Variants in RC3H2 observed in about 807,000 individuals in gnomAD.
RC3H2 encodes ring finger and CCCH-type domains 2.
RC3H2 carries 31 observed loss-of-function variants against 133.3 expected under a neutral mutation model. The ratio of observed to expected loss-of-function variants is 0.23; its 90% CI spans 0.17 to 0.31. RC3H2 has a LOEUF of 0.31. Among genes scored for constraint, RC3H2 ranks in the 10% least tolerant of loss-of-function variants. The probability of loss-of-function intolerance (pLI) is 1.00; values close to 1 mark genes in which losing one functional copy is unlikely to be tolerated. For synonymous variants in RC3H2, 517 were observed against 502.2 expected (o/e 1.03, Z -0.40); for missense variants, 1,175 against 1,437.2 (o/e 0.82, Z 2.95).
intron 13 of RC3H2, among the ~76,000 whole-genome samples, chr9:122,856,678 A>C (rs1203136701): frequency 6.6e-6 from 1 of 152,224 alleles, no homozygotes; most frequent in Non-Finnish European, 1.5e-5. Flanking sequence ...GAAATGAATA[A>C]ATTTTAAAGG....
At chr9:122,864,998 C>T (rs892033793) in intron 10 of RC3H2, among the ~76,000 whole-genome samples, 2 of 152,020 alleles carry the variant, frequency 1.3e-5, no homozygotes, top group African/African-American at 4.8e-5. Context: ...CAGCATTTTA[C>T]CTGCTTAGGT....
At position 122,880,703 on chromosome 9, in the gene RC3H2, AT is replaced by A. The variant is rs1433883046; in HGVS notation, c.850del (p.Ile284LeufsTer51). 6.2e-7 allele frequency: 1 copy of A among 1,613,956 alleles called. No individual in the cohort carries two copies. Among genetic ancestry groups the A allele is most frequent in the Non-Finnish European group, 8.5e-7 (1 of 1,179,930 alleles). On this transcript the variant is annotated frameshift_variant, in exon 6 of 21. Transcript: ENST00000357244. LOFTEE classifies it high-confidence loss of function. ...EALRREHDAQ[I>X]VHIAMEAGLR... ...TCCTGCTTCCATGGCAATATGAACAATTTGGGCATCATGTTCTCTGCGTAAT... is the reference window on the plus strand; with the variant it reads ...TCCTGCTTCCATGGCAATATGAACAATTGGGCATCATGTTCTCTGCGTAAT...
At chr9:122,903,052 T>A (rs1832716447) in intron 1 of RC3H2, among the ~76,000 whole-genome samples, 1 of 152,150 alleles carries the variant, frequency 6.6e-6, no homozygotes, top group South Asian at 2.1e-4. Flanking sequence ...ACATTTCAAA[T>A]CTTCAACTGT....
chr9:122,858,730 C>T lies in RC3H2; in HGVS notation c.2222G>A (p.Gly741Glu). ...TGGCTGACAAGCCACCGAATAATAT[C>T]CATCTAATGAGTTATATCTTTCCCG... is the stretch of plus-strand genomic sequence containing the variant. Reference protein sequence around the residue: ...SLRERYNSLDGYYSVACQPPS... With the variant: ...SLRERYNSLDEYYSVACQPPS... The change falls in exon 12 of 21, where the codon GGA becomes GAA. Residue 741 changes from glycine to glutamate, a missense_variant. Around this residue, in one of 8 missense-constraint regions of RC3H2, gnomAD observed 490 missense variants for 492.8 expected, o/e 0.99. Transcript: ENST00000357244. 1 of 1,614,092 alleles carries T rather than the reference C, an allele frequency of 6.2e-7. No homozygotes were observed. The highest frequency in any genetic ancestry group is 8.5e-7 in the Non-Finnish European group (1 of 1,180,042).
At chr9:122,878,472 A>G (rs1305354729) in intron 8 of RC3H2, among the ~76,000 whole-genome samples, 1 of 151,894 alleles carries the variant, frequency 6.6e-6, no homozygotes, top group Non-Finnish European at 1.5e-5. Context: ...GGGCTTCACC[A>G]TGTTAGCCAG....
chr9:122,904,023 T>C (rs904927420), intron 1 of RC3H2, among the ~76,000 whole-genome samples: 2 of 152,236 alleles, frequency 1.3e-5, no homozygotes, highest in Admixed American at 1.3e-4. Flanking sequence ...AGTGACTTTA[T>C]ACCACTGTGG....
intron 3 of RC3H2, among the ~76,000 whole-genome samples, chr9:122,891,305 G>A (rs575900913): frequency 2.0e-5 from 3 of 152,302 alleles, no homozygotes; most frequent in South Asian, 4.1e-4. Context: ...TTACAGGCGT[G>A]AGCCTCTGTG....
At chr9:122,853,065 T>C (rs1830111667) in intron 18 of RC3H2, among the ~76,000 whole-genome samples, 1 of 152,190 alleles carries the variant, frequency 6.6e-6, no homozygotes, top group South Asian at 2.1e-4. Flanking sequence ...TGGGATCCTG[T>C]TGATCTGTGA....
At chr9:122,871,757 T>A (rs947564301) in intron 9 of RC3H2, among the ~76,000 whole-genome samples, 1 of 152,204 alleles carries the variant, frequency 6.6e-6, no homozygotes, top group African/African-American at 2.4e-5. Context: ...TATATTTATT[T>A]ATTTCATGTC....
chr9:122,845,770 G>T lies in RC3H2; in HGVS notation c.*3857C>A, dbSNP rs1418462733. 1.3e-5 allele frequency: 2 copies of T among 152,164 alleles called. No individual in the cohort carries two copies. The highest frequency in any genetic ancestry group is 4.8e-5 in the African/African-American group (2 of 41,434). The allele number at this position is 152,164 out of a possible 1,614,324, so 9.4% of individuals were successfully genotyped here. A position where few individuals can be genotyped will look rare whatever the true frequency, so the allele number is the denominator to read the frequency against. On this transcript the variant is annotated 3_prime_UTR_variant, in exon 21 of 21. Transcript: ENST00000357244. ...CCTTGAGCATGTTCTTTTGTGTTCTGCTTGCAGAAGGGGTCCTTATGTAGA... is the reference window on the plus strand; with the variant it reads ...CCTTGAGCATGTTCTTTTGTGTTCTTCTTGCAGAAGGGGTCCTTATGTAGA...
intron 8 of RC3H2, among the ~76,000 whole-genome samples, chr9:122,879,409 A>C (rs921127236): frequency 1.3e-5 from 2 of 152,148 alleles, no homozygotes; most frequent in Non-Finnish European, 2.9e-5. Flanking sequence ...AAAAGAAAGA[A>C]AATTCAAATT....
chr9:122,902,767 G>C (rs1445399064), intron 1 of RC3H2, among the ~76,000 whole-genome samples: 1 of 150,458 alleles, frequency 6.6e-6, no homozygotes, highest in Non-Finnish European at 1.5e-5. Context: ...CATGAGAATT[G>C]CTTGAACCTG....
At chr9:122,891,539 T>G (rs1832172628) in intron 3 of RC3H2, among the ~76,000 whole-genome samples, 1 of 152,220 alleles carries the variant, frequency 6.6e-6, no homozygotes, top group Non-Finnish European at 1.5e-5. Context: ...GTTAAATTAG[T>G]TAATTCTTAG....
At position 122,868,835 on chromosome 9, in the gene RC3H2, CTATATGTGTGTG is replaced by C. The variant is rs1461307552; in HGVS notation, c.1326-3190_1326-3179del. ...ATATAATCCTTAACAATATTCCCTCCTATATGTGTGTGTGTGTGTGTGTGTGTGTGTGTGTGT... is the reference window on the plus strand; with the variant it reads ...ATATAATCCTTAACAATATTCCCTCCTGTGTGTGTGTGTGTGTGTGTGTGT... On this transcript the variant is annotated intron_variant, in intron 9 of 20. Coordinates refer to ENST00000357244, the MANE Select transcript of RC3H2 (RefSeq NM_001100588.3). Among the ~76,000 whole-genome samples the C allele has an allele frequency of 1.2e-3, 158 of 135,828 alleles. 1 individual carries two copies. Among genetic ancestry groups the C allele is most frequent in the African/African-American group, 4.4e-3 (154 of 34,790 alleles). The allele number at this position is 135,828 out of a possible 152,430, so 89.1% of individuals were successfully genotyped here.
chr9:122,849,721 C>G lies in RC3H2; in HGVS notation c.3482G>C (p.Ser1161Thr). 2.5e-6 allele frequency: 4 copies of G among 1,611,412 alleles called. No homozygotes were observed. The highest frequency in any genetic ancestry group is 3.4e-6 in the Non-Finnish European group (4 of 1,178,832). Residue 1161 changes from serine (S) to threonine (T), a missense_variant, in exon 21 of 21, where the codon AGT (serine) becomes ACT (threonine). Ser to Thr is a moderately conservative substitution (Grantham distance 58). Around this residue, in one of 8 missense-constraint regions of RC3H2, gnomAD observed 220 missense variants for 201.1 expected, o/e 1.09. Coordinates refer to ENST00000357244, the MANE Select transcript of RC3H2 (RefSeq NM_001100588.3). ...AGTTTTCAGAATGAGGTTGCCAGCA[C>G]TGACAGATGTGGTGATGGGGAGGCA... Reference protein sequence around the residue: ...ASCLPITTSVSAGNLILKTHV... With the variant: ...ASCLPITTSVTAGNLILKTHV...
chr9:122,898,201 A>C (rs1021133075), intron 1 of RC3H2: 3 of 152,258 alleles, frequency 2.0e-5, no homozygotes, highest in African/African-American at 7.2e-5. Context: ...TCATAAATGA[A>C]AGACTAATGC....
At chr9:122,857,079 C>A (rs759947812) in intron 13 of RC3H2, among the ~76,000 whole-genome samples, 1 of 152,012 alleles carries the variant, frequency 6.6e-6, no homozygotes, top group African/African-American at 2.4e-5. Flanking sequence ...TCAAAACAAT[C>A]CAGGGGGAAG....
intron 1 of RC3H2, among the ~76,000 whole-genome samples, chr9:122,899,291 T>C (rs1225801040): frequency 6.6e-6 from 1 of 151,940 alleles, no homozygotes; most frequent in Non-Finnish European, 1.5e-5. Flanking sequence ...GGTTTCTCCA[T>C]GTTGGCCAGG....
At chr9:122,885,048 G>A (rs886698297) in intron 4 of RC3H2, among the ~76,000 whole-genome samples, 6 of 151,936 alleles carry the variant, frequency 3.9e-5, no homozygotes, top group Non-Finnish European at 7.4e-5. Flanking sequence ...AGATATTTTT[G>A]GAATAGTTGA....
Sources: gnomAD v4.1 joint callset for allele counts (sites outside exome capture counted in the v4.1 genomes callset) on GRCh38, gnomAD v4.1.1 for gene constraint, gnomAD v4.1.1 regional missense constraint, MANE v1.5 for transcripts, NCBI Gene and HGNC (gene_info 2026-07-23, HGNC 2026-07-21) for gene names.